The following TMF1 variants were observed in gnomAD, a reference collection of about 807,000 sequenced individuals.
The protein encoded by TMF1 is TATA element modulatory factor 1, also known as TATA element modulatory factor.
In TMF1, 71 loss-of-function variants were observed where a neutral mutation model predicts 126.5. The ratio of observed to expected loss-of-function variants is 0.56; its 90% CI spans 0.46 to 0.68. The LOEUF is 0.68. Ranked by LOEUF, TMF1 falls within the 30% of genes least tolerant of loss-of-function variation. The probability of loss-of-function intolerance (pLI) is 0.00; values close to 1 mark genes in which losing one functional copy is unlikely to be tolerated. For missense variants in TMF1, 1,259 were observed against 1,253.2 expected (o/e 1.00, Z -0.07); for synonymous variants, 461 against 430.5 (o/e 1.07, Z -0.88).
chr3:69,027,548 T>G (rs928756735), intron 13 of TMF1, among the ~76,000 whole-genome samples: 8 of 152,172 alleles, frequency 5.3e-5, no homozygotes, highest in African/African-American at 1.9e-4. Context: ...CATCACTATG[T>G]TGATTTTAGA....
intron 10 of TMF1, among the ~76,000 whole-genome samples, chr3:69,032,901 G>A (rs187503657): frequency 3.5e-4 from 53 of 152,146 alleles, no homozygotes; most frequent in African/African-American, 1.1e-3. Context: ...GTGAGCCACC[G>A]CGCCCTGCCA....
chr3:69,044,846 T>A (rs1463957), intron 2 of TMF1, among the ~76,000 whole-genome samples: 1 of 151,968 alleles, frequency 6.6e-6, no homozygotes. Context: ...TTAGGCAATA[T>A]CTAGTTGGGG....
At position 69,052,313 on chromosome 3, in the gene TMF1, G is replaced by A. The variant is rs560876896; in HGVS notation, c.-227C>T. 4.3e-5 allele frequency: 17 copies of A among 390,888 alleles called. No individual in the cohort carries two copies. Among genetic ancestry groups the A allele is most frequent in the African/African-American group, 1.0e-4 (5 of 48,162 alleles). The allele number at this position is 390,888 out of a possible 1,614,324, so 24.2% of individuals were successfully genotyped here. A position where few individuals can be genotyped will look rare whatever the true frequency, so the allele number is the denominator to read the frequency against. ...GTGCGCATGCGCTTGCTTCTTCCAC[G>A]TACACAGCAACCAAATCTACGAGCC... On this transcript the variant is annotated 5_prime_UTR_variant, in exon 1 of 17. The change creates a new upstream start codon in the 5' untranslated region. Transcript: ENST00000398559.
Position 69,020,806 on chromosome 3 carries a change from C to G in TMF1, c.*2371G>C, listed in dbSNP as rs1272093066. ...TAATATGTAACTAGAAACTATGTAA[C>G]TAGAAATTGTTAATACGGATAAAAA... On this transcript the variant is annotated 3_prime_UTR_variant, in exon 17 of 17. Coordinates refer to ENST00000398559, the MANE Select transcript of TMF1 (RefSeq NM_007114.3). 1 of 151,952 alleles carries G rather than the reference C, an allele frequency of 6.6e-6. No homozygotes were observed. The highest frequency in any genetic ancestry group is 1.5e-5 in the Non-Finnish European group (1 of 67,962). The allele number at this position is 151,952 out of a possible 1,614,324, so 9.4% of individuals were successfully genotyped here. A position where few individuals can be genotyped will look rare whatever the true frequency, so the allele number is the denominator to read the frequency against.
In TMF1 at chr3:69,038,579, T is replaced by G. The variant is rs2091845413; in HGVS notation, c.2136A>C (p.Glu712Asp). The change falls in exon 8 of 17, where the codon GAA becomes GAC. Residue 712 changes from glutamate to aspartate, a missense_variant. By Grantham distance (45) the Glu-to-Asp change is conservative. Coordinates refer to ENST00000398559, the MANE Select transcript of TMF1 (RefSeq NM_007114.3). ...CATTGCTTACTTGAATGGCTAATGT[T>G]TCTTGCTGCTGACGGGCTTCTTCTT... ...KAQEEARQQQETLAIQVGDLR... is the reference protein window; with the variant it reads ...KAQEEARQQQDTLAIQVGDLR... 1.2e-6 allele frequency: 2 copies of G among 1,613,276 alleles called. No individual in the cohort carries two copies. Among genetic ancestry groups the G allele is most frequent in the African/African-American group, 2.7e-5 (2 of 74,860 alleles).
chr3:69,052,326 A>T lies in TMF1; in HGVS notation c.-240T>A. 2 of 357,504 alleles carry T rather than the reference A, an allele frequency of 5.6e-6. No individual in the cohort carries two copies. Among genetic ancestry groups the T allele is most frequent in the East Asian group, 9.6e-5 (2 of 20,856 alleles). The allele number at this position is 357,504 out of a possible 1,614,324, so 22.1% of individuals were successfully genotyped here. Reference sequence around the variant, plus strand: ...TGCTTCTTCCACGTACACAGCAACCAAATCTACGAGCCCAGAGTTCGGTCG... The same window carrying T: ...TGCTTCTTCCACGTACACAGCAACCTAATCTACGAGCCCAGAGTTCGGTCG... On this transcript the variant is annotated 5_prime_UTR_variant, in exon 1 of 17. Coordinates refer to ENST00000398559, the MANE Select transcript of TMF1 (RefSeq NM_007114.3).
At position 69,023,048 on chromosome 3, in the gene TMF1, A is replaced by T. The variant is rs1428582295; in HGVS notation, c.*129T>A. On this transcript the variant is annotated 3_prime_UTR_variant, in exon 17 of 17. Transcript: ENST00000398559. ...TTACTACATAGTGTAAAACAATTTT[A>T]AAAAAATTTTTACACTCTACAGTAA... 2.7e-5 allele frequency: 22 copies of T among 815,378 alleles called. No individual in the cohort carries two copies. Among genetic ancestry groups the T allele is most frequent in the Admixed American group, 3.5e-5 (1 of 28,912 alleles). The allele number at this position is 815,378 out of a possible 1,614,324, so 50.5% of individuals were successfully genotyped here.
intron 13 of TMF1, 62 bp downstream of exon 13, chr3:69,027,838 T>C (rs1196832249): frequency 2.4e-6 from 2 of 832,390 alleles, no homozygotes; most frequent in South Asian, 3.3e-5. Context: ...TAAAAAGCAA[T>C]GATTAATCAC....
chr3:69,047,125 A>G (rs902307200), intron 2 of TMF1, among the ~76,000 whole-genome samples: 6 of 152,242 alleles, frequency 3.9e-5, no homozygotes, highest in African/African-American at 1.2e-4. Context: ...GAAAACTTTC[A>G]TGCTTAACTG....
intron 8 of TMF1, among the ~76,000 whole-genome samples, 193 bp downstream of exon 8, chr3:69,038,371 C>T (rs1223710367): frequency 1.3e-5 from 2 of 152,104 alleles, no homozygotes; most frequent in African/African-American, 2.4e-5. Context: ...AAAAATTAAA[C>T]AATACTGGTA....
intron 9 of TMF1, 114 bp from the exon 10 acceptor site, chr3:69,033,818 A>T (rs1192963375): frequency 8.8e-6 from 9 of 1,020,170 alleles, no homozygotes; most frequent in Middle Eastern, 3.1e-4. Context: ...AGAGAAAATA[A>T]TTTGCTTTTT....
At chr3:69,050,259 C>CAAA (rs561794015) in intron 1 of TMF1, among the ~76,000 whole-genome samples, 1 of 71,732 alleles carries the variant, frequency 1.4e-5, no homozygotes, top group African/African-American at 5.1e-5. Context: ...GACTGTGTCT[C>CAAA]AAAAAAAAAA....
At chr3:69,037,923 G>A (rs1429738835) in intron 8 of TMF1, among the ~76,000 whole-genome samples, 1 of 152,156 alleles carries the variant, frequency 6.6e-6, no homozygotes, top group East Asian at 1.9e-4. Context: ...TGGCAAGGAT[G>A]TGGAGAAACT....
At chr3:69,045,433 AGCCTGGGTGACAAGAGT>A (rs1473065404) in intron 2 of TMF1, among the ~76,000 whole-genome samples, 11 of 151,928 alleles carry the variant, frequency 7.2e-5, no homozygotes, top group Admixed American at 4.6e-4. Context: ...CTTGCACTCC[AGCCTGGGTGACAAGAGT>A]GAAACTCCAT....
At chr3:69,036,982 AAGAC>A (rs1466171300) in intron 8 of TMF1, among the ~76,000 whole-genome samples, 1 of 152,228 alleles carries the variant, frequency 6.6e-6, no homozygotes, top group Non-Finnish European at 1.5e-5. Context: ...AAGAAAAAGA[AAGAC>A]AACCCACAGA....
intron 9 of TMF1, among the ~76,000 whole-genome samples, chr3:69,034,316 T>C (rs1159727036): frequency 6.6e-6 from 1 of 151,712 alleles, no homozygotes; most frequent in Non-Finnish European, 1.5e-5. Context: ...CTACTAAAAA[T>C]ACAAAAATTA....
chr3:69,043,244 A>G (rs1003951181), intron 4 of TMF1, among the ~76,000 whole-genome samples: 2 of 152,134 alleles, frequency 1.3e-5, no homozygotes, highest in African/African-American at 4.8e-5. Flanking sequence ...ATGACGACTC[A>G]CCACAGCCTC....
In TMF1 at chr3:69,051,961, A is replaced by C. The variant is rs1243899105; in HGVS notation, c.126T>G (p.Ile42Met). ...CTCTCTTACCCGGCTCTCCATACGG[A>C]ATGGTCTCGGCCCAGATGCTCGGCT... The part of the protein sequence containing the change: ...EEEPSIWAET[I>M]PYGEPGISSP... The change falls in exon 1 of 17, where the codon ATT (isoleucine) becomes ATG (methionine). Residue 42 changes from isoleucine to methionine, a missense_variant. Transcript: ENST00000398559. The C allele has an allele frequency of 7.4e-6, 12 of 1,613,490 alleles. No homozygotes were observed. Among genetic ancestry groups the C allele is most frequent in the African/African-American group, 1.3e-5 (1 of 74,860 alleles).
Position 69,052,261 on chromosome 3 carries a change from C to T in TMF1, c.-175G>A, listed in dbSNP as rs1263374505. On this transcript the variant is annotated 5_prime_UTR_variant, in exon 1 of 17. Coordinates refer to ENST00000398559, the MANE Select transcript of TMF1 (RefSeq NM_007114.3). ...CCGGGATGTTACCCTCGGCCGTTCCCGCACAGCTGAGACGAAGGGGGCCCA... is the reference window on the plus strand; with the variant it reads ...CCGGGATGTTACCCTCGGCCGTTCCTGCACAGCTGAGACGAAGGGGGCCCA... 22 of 617,846 alleles carry T rather than the reference C, an allele frequency of 3.6e-5. No individual in the cohort carries two copies. Among genetic ancestry groups the T allele is most frequent in the Non-Finnish European group, 5.5e-5 (21 of 380,892 alleles). The allele number at this position is 617,846 out of a possible 1,614,324, so 38.3% of individuals were successfully genotyped here.
Sources: gnomAD v4.1 joint callset for allele counts (sites outside exome capture counted in the v4.1 genomes callset) on GRCh38, gnomAD v4.1.1 for gene constraint, MANE v1.5 for transcripts, NCBI Gene and HGNC (gene_info 2026-07-23, HGNC 2026-07-21) for gene names.